The following MAGI1 variants were observed in gnomAD, a reference collection of about 807,000 sequenced individuals.
MAGI1 encodes the protein membrane-associated guanylate kinase, WW and PDZ domain-containing protein 1.
Under a neutral mutation model 139.9 loss-of-function variants are expected in MAGI1, and 58 were observed. The observed-to-expected ratio is 0.41, with a 90% CI of 0.34 to 0.52. The LOEUF (loss-of-function observed/expected upper bound fraction) is 0.52, where lower values mean the gene tolerates loss of function less well. Ranked by LOEUF, MAGI1 falls within the 20% of genes least tolerant of loss-of-function variation. The pLI is 0.12. For missense variants in MAGI1, 1,874 were observed against 1,901.6 expected (o/e 0.99, Z 0.27); for synonymous variants, 812 against 737.9 (o/e 1.10, Z -1.63).
chr3:65,384,322 T>G (rs1212785373), intron 14 of MAGI1, among the ~76,000 whole-genome samples: 1 of 152,248 alleles, frequency 6.6e-6, no homozygotes, highest in Non-Finnish European at 1.5e-5. Context: ...CTACAATGGT[T>G]TTAGCTGTGA....
chr3:65,641,300 C>T (rs181457873), intron 1 of MAGI1, among the ~76,000 whole-genome samples: 2 of 152,162 alleles, frequency 1.3e-5, no homozygotes, highest in African/African-American at 4.8e-5. Context: ...ATGTTGTTAC[C>T]TCTAAGACAG....
intron 6 of MAGI1, chr3:65,452,432 C>A (rs1025424199): frequency 2.0e-5 from 3 of 152,182 alleles, no homozygotes; most frequent in African/African-American, 7.2e-5. Context: ...AATTATACTA[C>A]TAATTCACAT....
chr3:65,856,377 T>C (rs1314066819), intron 1 of MAGI1, among the ~76,000 whole-genome samples: 5 of 152,032 alleles, frequency 3.3e-5, no homozygotes, highest in Admixed American at 1.3e-4. Flanking sequence ...CCCTGTAACA[T>C]ACCCTCCCAG....
chr3:65,936,851 C>T (rs1479545984), intron 1 of MAGI1, among the ~76,000 whole-genome samples: 1 of 152,042 alleles, frequency 6.6e-6, no homozygotes, highest in Non-Finnish European at 1.5e-5. Flanking sequence ...CCCACCTCAG[C>T]CTCCTGAGTA....
chr3:65,608,315 C>T (rs1349342195), intron 2 of MAGI1, among the ~76,000 whole-genome samples: 3 of 152,050 alleles, frequency 2.0e-5, no homozygotes, highest in African/African-American at 7.2e-5. Context: ...GTGGCAGGTG[C>T]CTGTAATCCC....
At chr3:65,563,207 G>A (rs573868947) in intron 2 of MAGI1, among the ~76,000 whole-genome samples, 1 of 152,168 alleles carries the variant, frequency 6.6e-6, no homozygotes, top group African/African-American at 2.4e-5. Context: ...CATTTCATTG[G>A]TTTATATAAT....
intron 1 of MAGI1, among the ~76,000 whole-genome samples, chr3:65,807,235 T>G (rs1156361844): frequency 2.0e-5 from 3 of 152,210 alleles, no homozygotes; most frequent in Non-Finnish European, 4.4e-5. Flanking sequence ...CTTCTCCCAG[T>G]TCTGGAGGCT....
chr3:65,668,901 G>A (rs1046118078), intron 1 of MAGI1, among the ~76,000 whole-genome samples: 3 of 151,888 alleles, frequency 2.0e-5, no homozygotes. Flanking sequence ...ATTTAACCAT[G>A]TCAATGTTGT....
chr3:66,031,562 T>C (rs1309095793), intron 1 of MAGI1, among the ~76,000 whole-genome samples: 1 of 152,190 alleles, frequency 6.6e-6, no homozygotes, highest in East Asian at 1.9e-4. Context: ...ACAAGTGCGT[T>C]GTACGTCCTT....
intron 1 of MAGI1, among the ~76,000 whole-genome samples, chr3:65,805,854 G>A (rs533297136): frequency 5.3e-5 from 8 of 152,202 alleles, no homozygotes; most frequent in Middle Eastern, 6.8e-3. Flanking sequence ...ACTAAACACC[G>A]CATGTTCTCA....
At chr3:65,699,745 G>A (rs2089468226) in intron 1 of MAGI1, among the ~76,000 whole-genome samples, 1 of 105,850 alleles carries the variant, frequency 9.4e-6, no homozygotes, top group Admixed American at 1.2e-4. Context: ...GGGGAGGGGG[G>A]AGGGATAGCA....
intron 5 of MAGI1, among the ~76,000 whole-genome samples, chr3:65,469,195 T>A (rs2107575992): frequency 6.6e-6 from 1 of 152,286 alleles, no homozygotes; most frequent in South Asian, 2.1e-4. Context: ...TATACATGTA[T>A]AATTTGCAAA....
chr3:66,031,463 C>A (rs2068586849), intron 1 of MAGI1, among the ~76,000 whole-genome samples: 1 of 152,086 alleles, frequency 6.6e-6, no homozygotes, highest in Non-Finnish European at 1.5e-5. Flanking sequence ...ACACGGTGAG[C>A]CAACTGTATG....
At position 65,967,438 on chromosome 3, in the gene MAGI1, T is replaced by G. The variant is rs188191470; in HGVS notation, c.313+70558A>C. On this transcript the variant is annotated intron_variant, in intron 1 of 22. Coordinates refer to ENST00000402939, the MANE Select transcript of MAGI1 (RefSeq NM_001033057.2). ...CGCCAATAATGTCAGGATGAAAGGA[T>G]TTCCCCACCCCGACCTGCCTCCCCT... Among the ~76,000 whole-genome samples the G allele has an allele frequency of 8.5e-4, 129 of 152,206 alleles. 1 individual carries two copies. The highest frequency in any genetic ancestry group is 3.4e-3 in the Middle Eastern group (1 of 294).
chr3:65,992,754 G>C (rs970236548), intron 1 of MAGI1, among the ~76,000 whole-genome samples: 1 of 152,150 alleles, frequency 6.6e-6, no homozygotes, highest in Non-Finnish European at 1.5e-5. Context: ...GACAACAAGG[G>C]AACAAGGGGC....
At chr3:65,663,483 C>T (rs374026116) in intron 1 of MAGI1, among the ~76,000 whole-genome samples, 53 of 152,060 alleles carry the variant, frequency 3.5e-4, no homozygotes, top group Non-Finnish European at 6.5e-4. Context: ...AAAATCAGAA[C>T]GGAGAAGAGG....
At chr3:65,727,518 T>C (rs1051599940) in intron 1 of MAGI1, among the ~76,000 whole-genome samples, 1 of 152,166 alleles carries the variant, frequency 6.6e-6, no homozygotes, top group Non-Finnish European at 1.5e-5. Context: ...GTGTGTGCCA[T>C]TGCCCCTGGC....
chr3:65,787,658 T>A (rs1419796644), intron 1 of MAGI1, among the ~76,000 whole-genome samples: 1 of 151,150 alleles, frequency 6.6e-6, no homozygotes, highest in Admixed American at 6.6e-5. Flanking sequence ...AAATGAGCAA[T>A]AATAAAACAG....
intron 1 of MAGI1, among the ~76,000 whole-genome samples, chr3:65,947,859 T>G (rs1354187232): frequency 6.6e-6 from 1 of 151,940 alleles, no homozygotes; most frequent in African/African-American, 2.4e-5. Context: ...TCAAGCAATC[T>G]TCCTGCCTCA....
Sources: allele counts gnomAD v4.1 joint callset (sites outside exome capture counted in the v4.1 genomes callset), GRCh38; gene constraint gnomAD v4.1.1; transcripts MANE v1.5; gene names NCBI Gene and HGNC (gene_info 2026-07-23, HGNC 2026-07-21).